CHCHD6: variants seen among roughly 807,000 people sequenced by gnomAD.
CHCHD6 encodes coiled-coil-helix-coiled-coil-helix domain containing 6, also known as MICOS complex subunit MIC25.
A neutral mutation model predicts 32.3 loss-of-function variants in CHCHD6; 28 were observed. The ratio of observed to expected loss-of-function variants is 0.87; its 90% CI spans 0.64 to 1.19. The LOEUF (loss-of-function observed/expected upper bound fraction) is 1.19. CHCHD6 is among the 50% of genes most tolerant of loss of function. The pLI is 0.00. For synonymous variants in CHCHD6, 122 were observed against 117.5 expected, an observed-to-expected ratio of 1.04 and a Z score of -0.25; for missense variants, 333 against 307.0, an observed-to-expected ratio of 1.08 and a Z score of -0.63.
At chr3:126,876,109 A>T (rs1013181425) in intron 5 of CHCHD6, among the ~76,000 whole-genome samples, 4 of 152,224 alleles carry the variant, frequency 2.6e-5, no homozygotes, top group African/African-American at 9.6e-5. Context: ...ACTTACTCTG[A>T]GCACTGTTAA....
intron 4 of CHCHD6, among the ~76,000 whole-genome samples, chr3:126,814,669 A>G (rs1234996830): frequency 6.6e-6 from 1 of 152,052 alleles, no homozygotes; most frequent in African/African-American, 2.4e-5. Context: ...GAAGCTCGGC[A>G]CCCCCTCCCA....
chr3:126,876,730 A>G (rs1439676468), intron 5 of CHCHD6, among the ~76,000 whole-genome samples: 4 of 152,226 alleles, frequency 2.6e-5, no homozygotes, highest in South Asian at 2.1e-4. Context: ...TCATTTTGCA[A>G]CCGGACTCTA....
chr3:126,767,416 C>A, intron 4 of CHCHD6: 2 of 731,022 alleles, frequency 2.7e-6, no homozygotes, highest in East Asian at 2.7e-5. Context: ...CTCCTACTCT[C>A]TTGGTGTCAC....
intron 6 of CHCHD6, among the ~76,000 whole-genome samples, chr3:126,935,605 C>G (rs1021618930): frequency 6.6e-6 from 1 of 152,114 alleles, no homozygotes; most frequent in East Asian, 1.9e-4. Context: ...AAACCGTGTG[C>G]GGCTTAGTCT....
chr3:126,896,233 C>T (rs2077836633), intron 5 of CHCHD6, among the ~76,000 whole-genome samples: 1 of 152,320 alleles, frequency 6.6e-6, no homozygotes, highest in Non-Finnish European at 1.5e-5. Context: ...ATTTTATCTT[C>T]CCTTGCCTTG....
intron 4 of CHCHD6, among the ~76,000 whole-genome samples, chr3:126,843,598 A>G (rs1039633469): frequency 1.2e-4 from 18 of 152,194 alleles, no homozygotes; most frequent in African/African-American, 4.1e-4. Flanking sequence ...CATTCATCAC[A>G]TTGTGTATAT....
intron 4 of CHCHD6, among the ~76,000 whole-genome samples, chr3:126,792,437 T>G (rs1938598334): frequency 6.6e-6 from 1 of 152,108 alleles, no homozygotes; most frequent in African/African-American, 2.4e-5. Context: ...CCACAGACTT[T>G]TGATGTGTTA....
At chr3:126,776,731 A>G (rs921956959) in intron 4 of CHCHD6, among the ~76,000 whole-genome samples, 2 of 152,152 alleles carry the variant, frequency 1.3e-5, no homozygotes, top group African/African-American at 4.8e-5. Context: ...TTTTTTTCTT[A>G]TAACATCTTT....
intron 6 of CHCHD6, chr3:126,953,181 C>T (rs2078739500): frequency 2.1e-6 from 2 of 973,486 alleles, no homozygotes; most frequent in Admixed American, 6.2e-5. Context: ...GCGCCTTGCC[C>T]CAGGTTTGTC....
At chr3:126,723,530 T>G (rs80129529) in intron 1 of CHCHD6, among the ~76,000 whole-genome samples, 1 of 152,230 alleles carries the variant, frequency 6.6e-6, no homozygotes, top group Non-Finnish European at 1.5e-5. Flanking sequence ...CATTTTTTTT[T>G]GCAAAATTGA....
intron 6 of CHCHD6, among the ~76,000 whole-genome samples, chr3:126,928,305 C>T (rs2078353884): frequency 6.6e-6 from 1 of 152,200 alleles, no homozygotes; most frequent in Non-Finnish European, 1.5e-5. Flanking sequence ...AGGTTAGAGA[C>T]AGGTATCAGG....
intron 4 of CHCHD6, among the ~76,000 whole-genome samples, chr3:126,777,217 GT>G (rs200744458): frequency 0.054 from 8,203 of 152,080 alleles, 333 homozygotes; most frequent in South Asian, 0.19. Flanking sequence ...CTTTTCCAAG[GT>G]ATTCAGACTT....
At chr3:126,959,988 A>T (rs997087670) in intron 7 of CHCHD6, among the ~76,000 whole-genome samples, 2 of 152,040 alleles carry the variant, frequency 1.3e-5, no homozygotes, top group African/African-American at 4.8e-5. Context: ...TGTCGTGTGG[A>T]GTGAGGGCCC....
chr3:126,786,031 A>T (rs972878470), intron 4 of CHCHD6, among the ~76,000 whole-genome samples: 1 of 151,918 alleles, frequency 6.6e-6, no homozygotes, highest in African/African-American at 2.4e-5. Context: ...CCTGTGTCCA[A>T]GTGTTCTCAT....
At chr3:126,736,154 A>G (rs1331837811) in intron 4 of CHCHD6, among the ~76,000 whole-genome samples, 2 of 152,206 alleles carry the variant, frequency 1.3e-5, no homozygotes, top group Non-Finnish European at 2.9e-5. Flanking sequence ...TTTAAATAAG[A>G]GGAGAAAGAT....
chr3:126,760,014 CACAT>C (rs1379454013), intron 4 of CHCHD6, among the ~76,000 whole-genome samples: 1 of 152,070 alleles, frequency 6.6e-6, no homozygotes, highest in Non-Finnish European at 1.5e-5. Context: ...GGGGAGGTGC[CACAT>C]ACTTAAAACA....
At chr3:126,801,936 T>G (rs1272479143) in intron 4 of CHCHD6, among the ~76,000 whole-genome samples, 1 of 152,350 alleles carries the variant, frequency 6.6e-6, no homozygotes, top group Non-Finnish European at 1.5e-5. Flanking sequence ...GCACCGCTGC[T>G]GATACCCAGG....
intron 6 of CHCHD6, chr3:126,953,036 G>A (rs1189294421): frequency 9.1e-6 from 9 of 985,492 alleles, no homozygotes; most frequent in Non-Finnish European, 1.1e-5. Context: ...GCCACACTGC[G>A]TTACTGAGCA....
rs149707898 is a variant in CHCHD6 at position 126,739,144 on chromosome 3, G to C, written c.411+5922G>C. Among the ~76,000 whole-genome samples, 308 of 152,054 alleles carry C rather than the reference G, an allele frequency of 2.0e-3. 4 individuals are homozygous for C. The highest frequency in any genetic ancestry group is 0.016 in the Admixed American group (242 of 15,266). ...TGCATTGCCTGTGCTCAGATGACTG[G>C]TAAAAGGCATAAATGGGAGAAAAAA... On this transcript the variant is annotated intron_variant, in intron 4 of 7. Coordinates refer to ENST00000290913, the MANE Select transcript of CHCHD6 (RefSeq NM_032343.3).
Sources: gnomAD v4.1 joint callset for allele counts (sites outside exome capture counted in the v4.1 genomes callset) on GRCh38, gnomAD v4.1.1 for gene constraint, MANE v1.5 for transcripts, NCBI Gene and HGNC (gene_info 2026-07-23, HGNC 2026-07-21) for gene names.